The following SGCZ variants were observed in gnomAD, a reference collection of about 807,000 sequenced individuals.
The protein encoded by SGCZ is sarcoglycan zeta.
A neutral mutation model predicts 41.3 loss-of-function variants in SGCZ; 40 were observed. The observed-to-expected ratio is 0.97, with a 90% confidence interval of 0.75 to 1.26. SGCZ has a LOEUF of 1.26. Ranked by LOEUF, SGCZ falls within the 50% of genes most tolerant of loss-of-function variation. The pLI is 0.00. For synonymous variants in SGCZ, 206 were observed against 137.5 expected (o/e 1.50, Z -3.49); for missense variants, 552 against 369.8 (o/e 1.49, Z -4.04).
At chr8:14,392,892 ATAAAGT>A (rs1804825686) in intron 2 of SGCZ, among the ~76,000 whole-genome samples, 1 of 152,206 alleles carries the variant, frequency 6.6e-6, no homozygotes. Context: ...AAATATTAAA[ATAAAGT>A]TAGAGTTTAT....
At chr8:14,553,985 G>C (rs1487716327) in intron 2 of SGCZ, among the ~76,000 whole-genome samples, 1 of 152,058 alleles carries the variant, frequency 6.6e-6, no homozygotes, top group Non-Finnish European at 1.5e-5. Context: ...GAAGGCATCA[G>C]CCAGAAAATA....
chr8:14,315,328 C>T (rs1301649637), intron 3 of SGCZ, among the ~76,000 whole-genome samples: 1 of 152,042 alleles, frequency 6.6e-6, no homozygotes, highest in African/African-American at 2.4e-5. Context: ...TTTTTGATTG[C>T]CTTGCTATAG....
chr8:14,939,202 T>C (rs1200418523), intron 1 of SGCZ, among the ~76,000 whole-genome samples: 1 of 152,104 alleles, frequency 6.6e-6, no homozygotes, highest in African/African-American at 2.4e-5. Context: ...CACTCAAAGA[T>C]AGCATTCAGG....
At chr8:14,645,625 T>A (rs1807189083) in intron 1 of SGCZ, among the ~76,000 whole-genome samples, 2 of 151,412 alleles carry the variant, frequency 1.3e-5, no homozygotes, top group South Asian at 4.1e-4. Flanking sequence ...AATGATCTTT[T>A]CCTATCTTGG....
chr8:14,560,606 C>G lies in SGCZ; in HGVS notation c.40-5680G>C, dbSNP rs555345715. 2.0e-5 allele frequency among the ~76,000 whole-genome samples: 3 copies of G among 152,132 alleles called. No individual in the cohort carries two copies. In the South Asian group the frequency reaches 6.2e-4, roughly 31 times the overall value. On this transcript the variant is annotated intron_variant, in intron 1 of 7. Transcript: ENST00000382080. Reference sequence around the variant, plus strand: ...GAATCCCCTTTATCTCATATTAAAGCAAACTTATTTTCTAGAATGTTCTAT... The same window carrying G: ...GAATCCCCTTTATCTCATATTAAAGGAAACTTATTTTCTAGAATGTTCTAT...
chr8:14,119,654 C>T (rs1006528850), intron 5 of SGCZ, among the ~76,000 whole-genome samples: 2 of 152,212 alleles, frequency 1.3e-5, no homozygotes, highest in Admixed American at 1.3e-4. Context: ...GAAGGGAATG[C>T]TGCTTTCAGC....
At chr8:14,686,110 G>C (rs1218266719) in intron 1 of SGCZ, among the ~76,000 whole-genome samples, 1 of 151,924 alleles carries the variant, frequency 6.6e-6, no homozygotes, top group Non-Finnish European at 1.5e-5. Context: ...CTCCTATCCA[G>C]GTAGTGCATA....
In SGCZ at chr8:14,874,081, T is replaced by G. The variant is rs551839032; in HGVS notation, c.40-319155A>C. On this transcript the variant is annotated intron_variant, in intron 1 of 7. Coordinates refer to ENST00000382080, the MANE Select transcript of SGCZ (RefSeq NM_139167.4). The stretch of plus-strand genomic sequence containing the variant: ...AACTTTGAAGATAAAGACTGAAGTG[T>G]GGTGAGTCCCACAAACTTATACTTT... Among the ~76,000 whole-genome samples, 106 of 152,268 alleles carry G rather than the reference T, an allele frequency of 7.0e-4. 1 individual carries two copies. Among genetic ancestry groups the G allele is most frequent in the African/African-American group, 2.4e-3 (101 of 41,570 alleles).
intron 1 of SGCZ, among the ~76,000 whole-genome samples, chr8:14,847,508 T>A (rs1369261758): frequency 1.3e-5 from 2 of 149,158 alleles, no homozygotes; most frequent in African/African-American, 4.9e-5. Flanking sequence ...TATTAACAAG[T>A]AAAAAAAAAG....
chr8:14,220,879 T>C (rs1451031782), intron 4 of SGCZ, among the ~76,000 whole-genome samples: 7 of 152,076 alleles, frequency 4.6e-5, no homozygotes, highest in South Asian at 2.1e-4. Context: ...AAAAAGGAAA[T>C]AGCATTTCAA....
chr8:14,836,190 G>A (rs1023446791), intron 1 of SGCZ, among the ~76,000 whole-genome samples: 4 of 136,118 alleles, frequency 2.9e-5, no homozygotes, highest in African/African-American at 1.1e-4. Context: ...CCATTGCACT[G>A]CCTAAAAACA....
chr8:14,654,633 G>A (rs780627778), intron 1 of SGCZ, among the ~76,000 whole-genome samples: 3 of 151,880 alleles, frequency 2.0e-5, no homozygotes, highest in Non-Finnish European at 4.4e-5. Flanking sequence ...ATGCAATGGC[G>A]TGATCTCGGC....
At chr8:14,175,351 C>A (rs1385932752) in intron 4 of SGCZ, among the ~76,000 whole-genome samples, 7 of 151,854 alleles carry the variant, frequency 4.6e-5, no homozygotes, top group African/African-American at 1.2e-4. Context: ...GGAAGGAATT[C>A]TTTTTAATTA....
At chr8:14,558,551 G>A (rs1265979186) in intron 1 of SGCZ, among the ~76,000 whole-genome samples, 1 of 127,650 alleles carries the variant, frequency 7.8e-6, no homozygotes, top group Non-Finnish European at 1.6e-5. Flanking sequence ...CTTCAGCCTG[G>A]GTGACAGAAT....
intron 2 of SGCZ, among the ~76,000 whole-genome samples, chr8:14,446,366 G>C (rs578143969): frequency 6.6e-6 from 1 of 152,104 alleles, no homozygotes; most frequent in Non-Finnish European, 1.5e-5. Context: ...TAACATTTCT[G>C]TTTCTAATAA....
intron 2 of SGCZ, 101 bp from the exon 3 acceptor site, chr8:14,324,305 C>G: frequency 1.2e-6 from 1 of 810,842 alleles, no homozygotes; most frequent in Non-Finnish European, 2.1e-6. Flanking sequence ...GAGCTCAAAT[C>G]AGTGATGATT....
intron 6 of SGCZ, among the ~76,000 whole-genome samples, chr8:14,104,029 AGT>A (rs1371971859): frequency 2.0e-5 from 3 of 151,980 alleles, no homozygotes; most frequent in Non-Finnish European, 4.4e-5. Flanking sequence ...TTGTATGGAA[AGT>A]CTCCTGTCCA....
intron 1 of SGCZ, among the ~76,000 whole-genome samples, chr8:14,566,981 C>T (rs1167173426): frequency 2.0e-5 from 3 of 152,202 alleles, no homozygotes; most frequent in South Asian, 2.1e-4. Flanking sequence ...GCTTAGCACC[C>T]GGGCCAGCAG....
At chr8:14,995,468 G>A (rs867751373) in intron 1 of SGCZ, among the ~76,000 whole-genome samples, 3 of 152,318 alleles carry the variant, frequency 2.0e-5, no homozygotes, top group East Asian at 1.9e-4. Flanking sequence ...TGAAAGGACA[G>A]TGGTGTCATT....
Sources: allele counts gnomAD v4.1 joint callset (sites outside exome capture counted in the v4.1 genomes callset), GRCh38; gene constraint gnomAD v4.1.1; transcripts MANE v1.5; gene names NCBI Gene and HGNC (gene_info 2026-07-23, HGNC 2026-07-21).